Variants in RNGTT observed in about 807,000 individuals in gnomAD.
The protein encoded by RNGTT is mRNA-capping enzyme.
Under a neutral mutation model 79.3 loss-of-function variants are expected in RNGTT, and 33 were observed. That is an observed-to-expected ratio of 0.42 (90% CI 0.32 to 0.56). The LOEUF (loss-of-function observed/expected upper bound fraction) is 0.56. Among genes scored for constraint, RNGTT ranks in the 20% least tolerant of loss-of-function variants. The pLI is 0.17. For missense variants in RNGTT, 497 were observed against 739.1 expected, an observed-to-expected ratio of 0.67 and a Z score of 3.80; for synonymous variants, 222 against 235.9, an observed-to-expected ratio of 0.94 and a Z score of 0.54.
chr6:88,912,683 C>T (rs1487877730), intron 4 of RNGTT, among the ~76,000 whole-genome samples: 1 of 152,042 alleles, frequency 6.6e-6, no homozygotes, highest in Admixed American at 6.6e-5. Flanking sequence ...TCCAAATAAG[C>T]ACAATCTGAA....
intron 13 of RNGTT, among the ~76,000 whole-genome samples, chr6:88,702,234 A>G (rs1775971955): frequency 6.6e-6 from 1 of 152,170 alleles, no homozygotes; most frequent in Non-Finnish European, 1.5e-5. Context: ...ATATGGAACC[A>G]AAAAAGAACC....
chr6:88,951,263 G>A (rs1785238093), intron 1 of RNGTT, among the ~76,000 whole-genome samples: 1 of 152,192 alleles, frequency 6.6e-6, no homozygotes. Context: ...AATGAGCAAA[G>A]TGGTTTCCTG....
At chr6:88,937,609 T>C (rs1784709376) in intron 2 of RNGTT, among the ~76,000 whole-genome samples, 2 of 152,228 alleles carry the variant, frequency 1.3e-5, no homozygotes, top group Admixed American at 1.3e-4. Flanking sequence ...TGGTTTGTTC[T>C]TGCCTTTCTA....
chr6:88,627,873 C>T (rs1448724243), intron 14 of RNGTT, among the ~76,000 whole-genome samples: 2 of 152,096 alleles, frequency 1.3e-5, no homozygotes, highest in Non-Finnish European at 2.9e-5. Flanking sequence ...AAGTCTGTAC[C>T]TCAAGTCAAT....
intron 12 of RNGTT, among the ~76,000 whole-genome samples, chr6:88,789,711 TG>T (rs1779342753): frequency 1.3e-5 from 2 of 152,202 alleles, no homozygotes; most frequent in Non-Finnish European, 2.9e-5. Context: ...CAAACACAGT[TG>T]GGCCAAGGAG....
At chr6:88,626,378 G>A (rs1412579263) in intron 14 of RNGTT, among the ~76,000 whole-genome samples, 1 of 151,908 alleles carries the variant, frequency 6.6e-6, no homozygotes. Context: ...TATTAAAGGA[G>A]GAAAAGGTAG....
chr6:88,951,953 A>G (rs937309373), intron 1 of RNGTT, among the ~76,000 whole-genome samples: 3 of 152,174 alleles, frequency 2.0e-5, no homozygotes, highest in Admixed American at 2.0e-4. Context: ...GAACTGCTGC[A>G]GATATGAGCA....
At chr6:88,896,076 T>C (rs1783236874) in intron 6 of RNGTT, among the ~76,000 whole-genome samples, 1 of 152,172 alleles carries the variant, frequency 6.6e-6, no homozygotes. Context: ...CCAAGATCCA[T>C]GGCAGTAATT....
chr6:88,808,481 A>G (rs1419952060), intron 11 of RNGTT, among the ~76,000 whole-genome samples: 1 of 152,198 alleles, frequency 6.6e-6, no homozygotes, highest in Non-Finnish European at 1.5e-5. Flanking sequence ...ATGAGAAAAC[A>G]TGGGGCAAGC....
intron 8 of RNGTT, among the ~76,000 whole-genome samples, chr6:88,858,187 C>A (rs1029806465): frequency 3.9e-5 from 6 of 152,076 alleles, no homozygotes; most frequent in Admixed American, 1.3e-4. Context: ...TCCATTTTTC[C>A]TAGCCCCTAT....
chr6:88,839,902 AT>A (rs1295206875), intron 11 of RNGTT, among the ~76,000 whole-genome samples: 4 of 152,224 alleles, frequency 2.6e-5, no homozygotes, highest in Non-Finnish European at 4.4e-5. Context: ...CTGAACAATT[AT>A]CCCTTTATTG....
intron 13 of RNGTT, among the ~76,000 whole-genome samples, chr6:88,725,719 C>A (rs1323936674): frequency 6.6e-6 from 1 of 152,178 alleles, no homozygotes; most frequent in African/African-American, 2.4e-5. Flanking sequence ...TTGAACCTCA[C>A]ACAAACCTCC....
At chr6:88,884,755 G>A (rs1416325627) in intron 8 of RNGTT, among the ~76,000 whole-genome samples, 1 of 152,140 alleles carries the variant, frequency 6.6e-6, no homozygotes. Context: ...GGCAGGAAGA[G>A]AGAAAATAAT....
At chr6:88,944,875 T>C (rs1313791096) in intron 1 of RNGTT, among the ~76,000 whole-genome samples, 15 of 152,136 alleles carry the variant, frequency 9.9e-5, no homozygotes. Flanking sequence ...TCCTCAAAGG[T>C]AGAGAACCTG....
chr6:88,776,312 C>A (rs979103945), intron 12 of RNGTT, among the ~76,000 whole-genome samples: 2 of 149,688 alleles, frequency 1.3e-5, no homozygotes, highest in Non-Finnish European at 3.0e-5. Flanking sequence ...TTTTCATACA[C>A]CTTTTGACCT....
Position 88,874,916 on chromosome 6 carries a change from G to C in RNGTT, c.896+15579C>G, listed in dbSNP as rs554854471. Among the ~76,000 whole-genome samples, 9 of 152,020 alleles carry C rather than the reference G, an allele frequency of 5.9e-5. No homozygotes were observed. The East Asian group carries it at 1.5e-3, about 26-fold the overall frequency. On this transcript the variant is annotated intron_variant, in intron 8 of 15. Transcript: ENST00000369485. ...CAGTATCAAGTAATGCTCTTTATTA[G>C]CTCTTTAGTATCTCTTACTTAGTTG... is the stretch of plus-strand genomic sequence containing the variant.
chr6:88,721,081 T>C (rs530661642), intron 13 of RNGTT, among the ~76,000 whole-genome samples: 79 of 152,250 alleles, frequency 5.2e-4, no homozygotes, highest in Non-Finnish European at 9.0e-4. Flanking sequence ...GTTCTTCTCC[T>C]AACACCCCTT....
chr6:88,647,715 A>AAAAAAAAAAAAAAAAAAAGAAAAAAAAAG (rs531898293), intron 14 of RNGTT, among the ~76,000 whole-genome samples: 1 of 142,446 alleles, frequency 7.0e-6, no homozygotes, highest in African/African-American at 3.0e-5. Flanking sequence ...AAAAAAAAAA[A>AAAAAAAAAAAAAAAAAAAGAAAAAAAAAG]AAGAAGAAGA....
chr6:88,784,935 T>C (rs529630405), intron 12 of RNGTT, among the ~76,000 whole-genome samples: 1 of 152,116 alleles, frequency 6.6e-6, no homozygotes, highest in Non-Finnish European at 1.5e-5. Context: ...TTTGCTTCTA[T>C]ATATATAAAG....
Sources: allele counts gnomAD v4.1 joint callset (sites outside exome capture counted in the v4.1 genomes callset), GRCh38; gene constraint gnomAD v4.1.1; transcripts MANE v1.5; gene names NCBI Gene and HGNC (gene_info 2026-07-23, HGNC 2026-07-21).